Variants in DGKH observed in about 807,000 individuals in gnomAD.
DGKH encodes DAG kinase eta.
Under a neutral mutation model 159.3 loss-of-function variants are expected in DGKH, and 90 were observed. The ratio of observed to expected loss-of-function variants is 0.57; its 90% confidence interval spans 0.48 to 0.67. DGKH has a LOEUF of 0.67. DGKH is among the 30% of genes least tolerant of loss of function. The pLI is 0.00. For synonymous variants in DGKH, 536 were observed against 553.8 expected (o/e 0.97, Z 0.45); for missense variants, 1,181 against 1,506.1 (o/e 0.78, Z 3.57).
intron 1 of DGKH, among the ~76,000 whole-genome samples, chr13:42,093,168 C>A (rs949234525): frequency 1.5e-4 from 22 of 150,780 alleles, no homozygotes; most frequent in Admixed American, 1.3e-3. Flanking sequence ...TACCTGAGCC[C>A]GGAAGATGGA....
At chr13:42,203,487 G>T (rs1023143037) in intron 20 of DGKH, among the ~76,000 whole-genome samples, 2 of 152,164 alleles carry the variant, frequency 1.3e-5, no homozygotes, top group African/African-American at 4.8e-5. Context: ...TGAGCAAAGT[G>T]AAGCTCTAAA....
chr13:42,048,536 C>G (rs1287457221), upstream of DGKH, among the ~76,000 whole-genome samples: 1 of 152,148 alleles, frequency 6.6e-6, no homozygotes, highest in African/African-American at 2.4e-5. The surrounding 1 kb of genome is among the most constrained non-coding windows in gnomAD (Gnocchi z 6.7). Flanking sequence ...GGTCCGTTAC[C>G]TCTGCGTCCC....
At position 42,155,660 on chromosome 13, in the gene DGKH, T is replaced by C. The variant is rs1956025373; in HGVS notation, c.490-7T>C. Reference sequence around the variant, plus strand: ...TTGGCAAATCTGTCCTCACATCTCATTTCTAGGTGGCCCAGTTTAATGTGG... The same window carrying C: ...TTGGCAAATCTGTCCTCACATCTCACTTCTAGGTGGCCCAGTTTAATGTGG... On this transcript the variant is annotated splice_polypyrimidine_tract_variant and splice_region_variant and intron_variant, in intron 4 of 29. Coordinates refer to ENST00000337343, the MANE Select transcript of DGKH (RefSeq NM_178009.5). 6.2e-7 allele frequency: 1 copy of C among 1,614,064 alleles called. No individual in the cohort carries two copies. Among genetic ancestry groups the C allele is most frequent in the Admixed American group, 1.7e-5 (1 of 60,002 alleles).
intron 8 of DGKH, among the ~76,000 whole-genome samples, chr13:42,165,861 A>G (rs545801570): frequency 2.0e-5 from 3 of 152,200 alleles, no homozygotes; most frequent in African/African-American, 4.8e-5. Flanking sequence ...AAATCTTACA[A>G]CTTAACTCTA....
At chr13:42,156,541 G>C (rs1956052171) in intron 5 of DGKH, among the ~76,000 whole-genome samples, 1 of 152,024 alleles carries the variant, frequency 6.6e-6, no homozygotes. Context: ...TTTAATATAA[G>C]AGCAGTGACC....
intron 30 of DGKH, among the ~76,000 whole-genome samples, chr13:42,253,941 T>C (rs1206943337): frequency 6.7e-6 from 1 of 148,940 alleles, no homozygotes; most frequent in African/African-American, 2.5e-5. Context: ...AATGCCCCCA[T>C]AATAATGTTA....
At chr13:42,215,370 A>G (rs1957763572) in intron 25 of DGKH, among the ~76,000 whole-genome samples, 1 of 152,112 alleles carries the variant, frequency 6.6e-6, no homozygotes, top group Admixed American at 6.6e-5. Flanking sequence ...TATTCACTGT[A>G]ATCGGTGCAT....
chr13:42,177,898 T>G (rs1173811535), intron 12 of DGKH, among the ~76,000 whole-genome samples: 1 of 152,208 alleles, frequency 6.6e-6, no homozygotes. Flanking sequence ...CATTAAAAAA[T>G]TTTGTAAAGG....
At chr13:42,254,805 G>T (rs1958645443) in intron 30 of DGKH, among the ~76,000 whole-genome samples, 1 of 152,102 alleles carries the variant, frequency 6.6e-6, no homozygotes, top group East Asian at 1.9e-4. Flanking sequence ...AATTCTGGAT[G>T]AATGTTCAAT....
intron 1 of DGKH, among the ~76,000 whole-genome samples, chr13:42,102,694 A>G (rs938490367): frequency 3.3e-5 from 5 of 152,220 alleles, no homozygotes; most frequent in Non-Finnish European, 5.9e-5. Flanking sequence ...AACTTTGAGT[A>G]GAGTTTGGAA....
intron 3 of DGKH, among the ~76,000 whole-genome samples, chr13:42,150,325 G>A (rs974356075): frequency 1.3e-5 from 2 of 152,144 alleles, no homozygotes; most frequent in African/African-American, 2.4e-5. Context: ...CATGGACTAC[G>A]TGGAGGAGCC....
chr13:42,209,259 C>A, intron 22 of DGKH, 72 bp from the exon 23 acceptor site: 1 of 1,551,364 alleles, frequency 6.4e-7, no homozygotes, highest in South Asian at 1.3e-5. Flanking sequence ...GTCTAATACT[C>A]AAGCCTTCAT....
chr13:42,222,278 A>G (rs1957996389), intron 29 of DGKH, among the ~76,000 whole-genome samples: 1 of 152,226 alleles, frequency 6.6e-6, no homozygotes, highest in Admixed American at 6.5e-5. Flanking sequence ...TCTAAAATGC[A>G]TTAAATTTTA....
intron 1 of DGKH, among the ~76,000 whole-genome samples, chr13:42,080,670 A>G (rs186992986): frequency 6.6e-6 from 1 of 152,324 alleles, no homozygotes; most frequent in East Asian, 1.9e-4. Context: ...ATATTAGAGT[A>G]TAACAAATAA....
chr13:42,113,261 T>C (rs573382821), intron 1 of DGKH, among the ~76,000 whole-genome samples: 2 of 152,358 alleles, frequency 1.3e-5, no homozygotes, highest in South Asian at 2.1e-4. Context: ...TGCTGAATTA[T>C]ACCTTTTTAA....
chr13:42,175,433 A>T (rs762614550), intron 12 of DGKH, among the ~76,000 whole-genome samples: 1 of 152,200 alleles, frequency 6.6e-6, no homozygotes, highest in African/African-American at 2.4e-5. Flanking sequence ...TTCCATAAAC[A>T]TAACACATTT....
chr13:42,060,892 A>C (rs1316975816), intron 1 of DGKH, among the ~76,000 whole-genome samples: 1 of 152,208 alleles, frequency 6.6e-6, no homozygotes, highest in African/African-American at 2.4e-5. Flanking sequence ...GACTTGTTTG[A>C]TGCCTGATTT....
intron 1 of DGKH, among the ~76,000 whole-genome samples, chr13:42,059,088 G>A (rs1191545390): frequency 6.6e-6 from 1 of 152,010 alleles, no homozygotes; most frequent in Non-Finnish European, 1.5e-5. Flanking sequence ...TAGTAATGGT[G>A]ATTAAATAAA....
At chr13:42,071,063 T>A in intron 1 of DGKH, 1 of 1,178,210 alleles carries the variant, frequency 8.5e-7, no homozygotes, top group Non-Finnish European at 1.2e-6. Context: ...AAACCATGAA[T>A]GTTCATGAGA....
Sources: gnomAD v4.1 joint callset for allele counts (sites outside exome capture counted in the v4.1 genomes callset) on GRCh38, gnomAD v4.1.1 for gene constraint, Gnocchi (gnomAD v3.1) non-coding constraint, MANE v1.5 for transcripts, NCBI Gene and HGNC (gene_info 2026-07-23, HGNC 2026-07-21) for gene names.